ELP3: variants seen among roughly 807,000 people sequenced by gnomAD.
The protein encoded by ELP3 is elongator complex protein 3.
A neutral mutation model predicts 74.9 loss-of-function variants in ELP3; 56 were observed. That is an observed-to-expected ratio of 0.75 (90% confidence interval 0.60 to 0.93). ELP3 has a LOEUF of 0.93. ELP3 is among the 40% of genes least tolerant of loss of function. The pLI is 0.00. For missense variants in ELP3, 573 were observed against 686.5 expected (o/e 0.83, Z 1.85); for synonymous variants, 222 against 239.8 (o/e 0.93, Z 0.68).
intron 3 of ELP3, among the ~76,000 whole-genome samples, chr8:28,104,053 C>T (rs946511691): frequency 6.6e-6 from 1 of 152,176 alleles, no homozygotes; most frequent in Non-Finnish European, 1.5e-5. Flanking sequence ...TAGCCATTCT[C>T]ATAGTTGAAC....
intron 14 of ELP3, chr8:28,183,189 C>A: frequency 2.2e-6 from 1 of 459,396 alleles, no homozygotes; most frequent in Admixed American, 2.3e-5. Flanking sequence ...TTCTTCTCCC[C>A]AAAGGGGTGG....
At chr8:28,164,605 A>G (rs1025107821) in intron 14 of ELP3, among the ~76,000 whole-genome samples, 4 of 152,100 alleles carry the variant, frequency 2.6e-5, no homozygotes, top group Non-Finnish European at 5.9e-5. Context: ...TCTATAGGGG[A>G]AACTACGTAC....
intron 5 of ELP3, among the ~76,000 whole-genome samples, chr8:28,109,697 A>G (rs558577905): frequency 1.3e-5 from 2 of 152,340 alleles, no homozygotes; most frequent in Non-Finnish European, 2.9e-5. Flanking sequence ...AATTAATTTT[A>G]TACAATATTT....
At chr8:28,166,560 T>C (rs1311156324) in intron 14 of ELP3, among the ~76,000 whole-genome samples, 1 of 152,226 alleles carries the variant, frequency 6.6e-6, no homozygotes, top group Non-Finnish European at 1.5e-5. Context: ...ACGATGTTTA[T>C]CTACTTGGGT....
chr8:28,158,738 C>T (rs948464129), intron 12 of ELP3, 105 bp downstream of exon 12: 1 of 869,256 alleles, frequency 1.2e-6, no homozygotes, highest in Non-Finnish European at 1.9e-6. Flanking sequence ...GAGTGAATAA[C>T]TAAGAGCAGA....
chr8:28,122,136 T>C (rs977223910), intron 7 of ELP3, among the ~76,000 whole-genome samples: 1 of 152,240 alleles, frequency 6.6e-6, no homozygotes, highest in Non-Finnish European at 1.5e-5. Context: ...AAACCTCACA[T>C]GCCTAGGATA....
upstream of ELP3, among the ~76,000 whole-genome samples, chr8:28,092,495 G>A (rs190934501): frequency 2.4e-3 from 372 of 152,214 alleles, no homozygotes; most frequent in African/African-American, 6.6e-3. Flanking sequence ...TCCTGAGATG[G>A]GCATAGTGCT....
intron 10 of ELP3, among the ~76,000 whole-genome samples, chr8:28,152,693 C>A (rs1301062010): frequency 6.6e-5 from 10 of 152,188 alleles, no homozygotes; most frequent in Admixed American, 6.5e-4. Flanking sequence ...GTAATCCCAG[C>A]TACTCAGGAG....
chr8:28,127,294 A>G (rs1812614572), intron 7 of ELP3, among the ~76,000 whole-genome samples: 1 of 152,154 alleles, frequency 6.6e-6, no homozygotes, highest in Non-Finnish European at 1.5e-5. Context: ...CCATTTGTGC[A>G]ATTGCCTCCC....
chr8:28,123,488 G>A (rs1812451907), intron 7 of ELP3, among the ~76,000 whole-genome samples: 2 of 152,174 alleles, frequency 1.3e-5, no homozygotes, highest in Admixed American at 6.5e-5. Context: ...AAGAATGTGT[G>A]TTCTCAGTTG....
intron 1 of ELP3, among the ~76,000 whole-genome samples, chr8:28,095,141 A>T (rs575565408): frequency 1.4e-4 from 22 of 152,306 alleles, no homozygotes; most frequent in African/African-American, 5.3e-4. Flanking sequence ...CCTATGCCTG[A>T]CATTATTTCT....
At chr8:28,137,629 G>A in intron 9 of ELP3, 69 bp from the exon 10 acceptor site, 1 of 1,506,920 alleles carries the variant, frequency 6.6e-7, no homozygotes. Context: ...GCTGTCAGGG[G>A]TTGAGATTTC....
At position 28,155,940 on chromosome 8, in the gene ELP3, A is replaced by C; in HGVS notation, c.1101-2A>C. ...CAGCTTATGTTTTTCTCCTGTGTAC[A>C]GGGATATTCCAATGCCTTTAGTTAG... On this transcript the variant is annotated splice_acceptor_variant, in intron 10 of 14. Coordinates refer to ENST00000256398, the MANE Select transcript of ELP3 (RefSeq NM_018091.6). LOFTEE classifies it high-confidence loss of function. The C allele has an allele frequency of 2.5e-6, 4 of 1,611,626 alleles. No homozygotes were observed. The highest frequency in any genetic ancestry group is 3.4e-6 in the Non-Finnish European group (4 of 1,177,816).
rs1815429898 is a variant in ELP3 at position 28,190,742 on chromosome 8, G to A, written c.*1017G>A. ...GCTGCTAATTTTTGTATTTTTAGTA[G>A]AGATGGGGGTTTCACCATATTGGTC... On this transcript the variant is annotated 3_prime_UTR_variant, in exon 15 of 15. Transcript: ENST00000256398. 6.6e-6 allele frequency: 1 copy of A among 152,116 alleles called. No individual in the cohort carries two copies. The highest frequency in any genetic ancestry group is 1.5e-5 in the Non-Finnish European group (1 of 68,032). 9.4% of individuals were successfully genotyped at this position (152,116 alleles called of 1,614,324 possible).
intron 7 of ELP3, among the ~76,000 whole-genome samples, chr8:28,122,482 T>C (rs1812411367): frequency 6.6e-6 from 1 of 152,242 alleles, no homozygotes; most frequent in African/African-American, 2.4e-5. Context: ...TTAATAGATA[T>C]AGAGCTATTC....
chr8:28,171,189 A>G (rs1050633292), intron 14 of ELP3, among the ~76,000 whole-genome samples: 1 of 152,144 alleles, frequency 6.6e-6, no homozygotes, highest in Non-Finnish European at 1.5e-5. Flanking sequence ...TCTTTTGCAT[A>G]TATACCCAGA....
At chr8:28,153,525 G>A (rs1210099848) in intron 10 of ELP3, among the ~76,000 whole-genome samples, 1 of 152,188 alleles carries the variant, frequency 6.6e-6, no homozygotes, top group Admixed American at 6.5e-5. Context: ...GTCATAGGTA[G>A]GGAGGAAGTT....
rs115892881 is a variant in ELP3 at position 28,161,059 on chromosome 8, T to C, written c.1485+603T>C. On this transcript the variant is annotated intron_variant, in intron 13 of 14. Coordinates refer to ENST00000256398, the MANE Select transcript of ELP3 (RefSeq NM_018091.6). ...TGGCAATCTCATATGGGTCAACTTA[T>C]TGTGGAGTCAGGTTAGACAGTAATG... is the stretch of plus-strand genomic sequence containing the variant. 4.3e-3 allele frequency among the ~76,000 whole-genome samples: 654 copies of C among 152,282 alleles called. 3 individuals are homozygous for C. Among genetic ancestry groups the C allele is most frequent in the African/African-American group, 0.015 (608 of 41,548 alleles).
intron 2 of ELP3, among the ~76,000 whole-genome samples, chr8:28,097,800 G>A (rs1052583328): frequency 3.3e-5 from 5 of 152,166 alleles, no homozygotes; most frequent in African/African-American, 1.2e-4. Flanking sequence ...CTAATGCATT[G>A]TATGTATTAG....
Sources: allele counts gnomAD v4.1 joint callset (sites outside exome capture counted in the v4.1 genomes callset), GRCh38; gene constraint gnomAD v4.1.1; transcripts MANE v1.5; gene names NCBI Gene and HGNC (gene_info 2026-07-23, HGNC 2026-07-21).